Variants in RNF32 observed in about 807,000 individuals in gnomAD.
RNF32 encodes ring finger protein 32.
Under a neutral mutation model 41.0 loss-of-function variants are expected in RNF32, and 36 were observed. The observed-to-expected ratio is 0.88, with a 90% CI of 0.67 to 1.16. The LOEUF (loss-of-function observed/expected upper bound fraction) is 1.16, where lower values mean the gene tolerates loss of function less well. Ranked by LOEUF, RNF32 falls within the 50% of genes most tolerant of loss-of-function variation. The pLI is 0.00. For synonymous variants in RNF32, 154 were observed against 160.9 expected (o/e 0.96, Z 0.32); for missense variants, 413 against 436.7 (o/e 0.95, Z 0.48).
rs1563077511 is a variant in RNF32, at chr7:156,654,687, T to C, written c.386T>C (p.Ile129Thr). 1.2e-6 allele frequency: 2 copies of C among 1,614,068 alleles called. No individual in the cohort carries two copies. The highest frequency in any genetic ancestry group is 1.7e-6 in the Non-Finnish European group (2 of 1,179,978). Residue 129 changes from isoleucine (I) to threonine (T), a missense_variant, in exon 4 of 9, where the codon ATC becomes ACC. By Grantham distance (89) the Ile-to-Thr change is moderately conservative. Coordinates refer to ENST00000317955, the MANE Select transcript of RNF32 (RefSeq NM_030936.4). ...GGGGACTCCGTGCAACCATGCCCCA[T>C]CTGTAAAGAAGAATTCGAGCTTCGT... ...LQGDSVQPCP[I>T]CKEEFELRPQ...
intron 3 of RNF32, among the ~76,000 whole-genome samples, chr7:156,650,207 G>A (rs922185414): frequency 1.1e-4 from 16 of 152,296 alleles, no homozygotes; most frequent in African/African-American, 2.9e-4. Context: ...TGCTGCCGTC[G>A]GGAGGTGCTG....
chr7:156,645,378 A>G (rs181362167), intron 3 of RNF32, among the ~76,000 whole-genome samples: 1 of 152,362 alleles, frequency 6.6e-6, no homozygotes, highest in Admixed American at 6.5e-5. Flanking sequence ...CTTCTGTGGC[A>G]TTCTTACCAA....
At chr7:156,676,364 T>A (rs1306384700) in intron 8 of RNF32, 55 bp from the exon 9 acceptor site, 1 of 1,613,794 alleles carries the variant, frequency 6.2e-7, no homozygotes, top group Admixed American at 1.7e-5. Context: ...TTTAAGTAAC[T>A]TTCTGCTGTG....
chr7:156,657,660 G>A (rs1799928140), intron 5 of RNF32, 87 bp downstream of exon 5: 2 of 1,274,992 alleles, frequency 1.6e-6, no homozygotes, highest in African/African-American at 1.5e-5. Flanking sequence ...AGGCTCCTAA[G>A]GAGAGCCATT....
intron 5 of RNF32, 52 bp from the exon 6 acceptor site, chr7:156,658,076 G>A (rs1010824009): frequency 1.3e-5 from 20 of 1,546,406 alleles, no homozygotes; most frequent in South Asian, 1.3e-4. Context: ...AAGTAAAAAC[G>A]TTGTTTATAA....
rs11975186 is a variant in RNF32 at position 156,670,676 on chromosome 7, C to T, written c.685-5020C>T. ...GGACCTGCAGATTTCCCAGTGGGAG[C>T]GGCAGAAGGTGAGATGGCATCTCCG... On this transcript the variant is annotated intron_variant, in intron 7 of 8. Coordinates refer to ENST00000317955, the MANE Select transcript of RNF32 (RefSeq NM_030936.4). The surrounding 1 kb of genome is among the most constrained non-coding windows in gnomAD (Gnocchi z 4.3). 0.015 allele frequency among the ~76,000 whole-genome samples: 2,287 copies of T among 152,214 alleles called. 44 individuals are homozygous for T. Among genetic ancestry groups the T allele is most frequent in the African/African-American group, 0.051 (2,131 of 41,516 alleles).
At chr7:156,658,601 T>C (rs376287469) in intron 7 of RNF32, 31 bp downstream of exon 7, 11 of 1,414,354 alleles carry the variant, frequency 7.8e-6, no homozygotes, top group Middle Eastern at 1.8e-4. Context: ...TCTCCAGATA[T>C]GGTCTCCGTG....
chr7:156,650,691 A>C (rs1255871734), intron 3 of RNF32, among the ~76,000 whole-genome samples: 1 of 152,230 alleles, frequency 6.6e-6, no homozygotes, highest in Admixed American at 6.5e-5. Context: ...TTGTACAGCA[A>C]GTGCCCACCC....
Position 156,677,127 on chromosome 7 carries a change from A to G in RNF32, c.*472A>G, listed in dbSNP as rs1804209775. 1 of 154,660 alleles carries G rather than the reference A, an allele frequency of 6.5e-6. No homozygotes were observed. Among genetic ancestry groups the G allele is most frequent in the African/African-American group, 2.4e-5 (1 of 41,474 alleles). 9.6% of individuals were successfully genotyped at this position (154,660 alleles called of 1,614,324 possible). On this transcript the variant is annotated 3_prime_UTR_variant, in exon 9 of 9. Coordinates refer to ENST00000317955, the MANE Select transcript of RNF32 (RefSeq NM_030936.4). ...AATATTCAGTGGTATTCAACATCAAAAAAGTGCAAATTTTAATGTCTTAGA... is the reference window on the plus strand; with the variant it reads ...AATATTCAGTGGTATTCAACATCAAGAAAGTGCAAATTTTAATGTCTTAGA...
At chr7:156,650,634 G>A (rs1411664547) in intron 3 of RNF32, among the ~76,000 whole-genome samples, 1 of 152,218 alleles carries the variant, frequency 6.6e-6, no homozygotes, top group African/African-American at 2.4e-5. Context: ...GGGAGATGTG[G>A]ATGTTTGAAG....
At chr7:156,666,061 G>A (rs138588332) in intron 7 of RNF32, among the ~76,000 whole-genome samples, 241 of 152,320 alleles carry the variant, frequency 1.6e-3, no homozygotes, top group African/African-American at 5.4e-3. Context: ...TTCGATCAAA[G>A]ATAAGTTGCC....
chr7:156,675,777 G>A lies in RNF32; in HGVS notation c.766G>A (p.Ala256Thr), dbSNP rs1803804456. ...ELFAEIDQCL[A>T]INRSVLQQLE... is the part of the protein sequence containing the mutation. ...CTTTGCAGAAATCGATCAGTGCTTG[G>A]CCATAAATCGAAGTGTTCTTCAGCA... Residue 256 changes from alanine to threonine, a missense_variant, in exon 8 of 9, where the codon GCC (alanine) becomes ACC (threonine). Physicochemically the swap from Ala to Thr is moderately conservative, Grantham distance 58. Transcript: ENST00000317955. 1 of 1,613,938 alleles carries A rather than the reference G, an allele frequency of 6.2e-7. No homozygotes were observed. The highest frequency in any genetic ancestry group is 1.7e-5 in the Admixed American group (1 of 59,988).
At chr7:156,665,655 G>C (rs148041701) in intron 7 of RNF32, among the ~76,000 whole-genome samples, 8 of 151,908 alleles carry the variant, frequency 5.3e-5, no homozygotes, top group Non-Finnish European at 1.2e-4. Context: ...TTAAAGGTAC[G>C]TCAGCGTCAG....
At chr7:156,645,089 A>G (rs1053580136) in intron 3 of RNF32, among the ~76,000 whole-genome samples, 9 of 152,226 alleles carry the variant, frequency 5.9e-5, no homozygotes, top group African/African-American at 1.4e-4. Flanking sequence ...TCATAAGGAT[A>G]GTAGACGGGG....
chr7:156,641,793 G>A (rs1322503368), intron 1 of RNF32, among the ~76,000 whole-genome samples: 1 of 152,190 alleles, frequency 6.6e-6, no homozygotes, highest in Non-Finnish European at 1.5e-5. Context: ...TTCTGGCAGT[G>A]ATCTTTCAGT....
chr7:156,655,089 G>GA lies in RNF32; in HGVS notation c.417+381dup, dbSNP rs150121477. ...TGGTTTTGTGATTTGAGTCAGAAAA[G>GA]AAAAAAAAAACTGTGCTTGAATGTC... On this transcript the variant is annotated intron_variant, in intron 4 of 8. Transcript: ENST00000317955. Among the ~76,000 whole-genome samples, 362 of 147,124 alleles carry GA rather than the reference G, an allele frequency of 2.5e-3. 1 individual carries two copies. Among genetic ancestry groups the GA allele is most frequent in the African/African-American group, 7.8e-3 (314 of 40,320 alleles).
chr7:156,659,370 C>T, intron 7 of RNF32: 1 of 986,372 alleles, frequency 1.0e-6, no homozygotes. Flanking sequence ...AGCAGTGTCT[C>T]TGATCTTCAG....
chr7:156,655,235 G>A (rs1321832689), intron 4 of RNF32, among the ~76,000 whole-genome samples: 2 of 148,128 alleles, frequency 1.4e-5, no homozygotes, highest in African/African-American at 2.5e-5. Flanking sequence ...ATATACACGC[G>A]CGCGCACACA....
chr7:156,644,137 A>C (rs1797704855), intron 2 of RNF32, among the ~76,000 whole-genome samples: 1 of 152,192 alleles, frequency 6.6e-6, no homozygotes, highest in Admixed American at 6.5e-5. Context: ...GGAAATTATT[A>C]AGTTTTCACA....
Sources: gnomAD v4.1 joint callset for allele counts (sites outside exome capture counted in the v4.1 genomes callset) on GRCh38, gnomAD v4.1.1 for gene constraint, Gnocchi (gnomAD v3.1) non-coding constraint, MANE v1.5 for transcripts, NCBI Gene and HGNC (gene_info 2026-07-23, HGNC 2026-07-21) for gene names.